The following METTL15 variants were observed in gnomAD, a reference collection of about 807,000 sequenced individuals.
The protein encoded by METTL15 is methyltransferase 15, mitochondrial 12S rRNA N4-cytidine.
Under a neutral mutation model 38.3 loss-of-function variants are expected in METTL15, and 34 were observed. The observed-to-expected ratio is 0.89, with a 90% CI of 0.68 to 1.18. The LOEUF is 1.18. METTL15 is among the 50% of genes most tolerant of loss of function. The pLI is 0.00. For missense variants in METTL15, 438 were observed against 498.4 expected (o/e 0.88, Z 1.15); for synonymous variants, 162 against 170.9 (o/e 0.95, Z 0.41).
At chr11:28,329,070 T>C (rs1402356717) in intron 6 of METTL15, among the ~76,000 whole-genome samples, 1 of 152,166 alleles carries the variant, frequency 6.6e-6, no homozygotes, top group African/African-American at 2.4e-5. Flanking sequence ...TTATGTTTTG[T>C]TCTGAGAGTT....
intron 6 of METTL15, among the ~76,000 whole-genome samples, chr11:28,442,365 A>G (rs1224197310): frequency 6.6e-6 from 1 of 151,972 alleles, no homozygotes; most frequent in African/African-American, 2.4e-5. Context: ...AAATTGAATT[A>G]TTTCTGAGGC....
intron 6 of METTL15, among the ~76,000 whole-genome samples, chr11:28,467,750 A>G (rs1413468131): frequency 6.6e-6 from 1 of 152,216 alleles, no homozygotes; most frequent in East Asian, 1.9e-4. Flanking sequence ...ATGGAGAGTG[A>G]TGAGGAAGAA....
chr11:28,311,889 C>G (rs141118662), intron 6 of METTL15, among the ~76,000 whole-genome samples: 4 of 152,180 alleles, frequency 2.6e-5, no homozygotes, highest in East Asian at 1.9e-4. Flanking sequence ...ACTTCCTATA[C>G]CAGTAGCAGC....
intron 6 of METTL15, among the ~76,000 whole-genome samples, chr11:28,455,274 C>T (rs11030343): frequency 0.018 from 2,486 of 140,682 alleles, 48 homozygotes; most frequent in African/African-American, 0.051. Flanking sequence ...TTATTTTAGC[C>T]CATGGTATCA....
intron 6 of METTL15, among the ~76,000 whole-genome samples, chr11:28,459,981 G>A (rs918961816): frequency 6.6e-6 from 1 of 151,936 alleles, no homozygotes; most frequent in African/African-American, 2.4e-5. Context: ...GTACTGTGAG[G>A]CCCATTTATT....
intron 6 of METTL15, among the ~76,000 whole-genome samples, chr11:28,307,523 C>G (rs1857124209): frequency 6.6e-6 from 1 of 151,952 alleles, no homozygotes; most frequent in Non-Finnish European, 1.5e-5. Context: ...ATTAGGTAGA[C>G]TCAGACCTAC....
rs550461732 is a variant in METTL15 at position 28,188,733 on chromosome 11, G to A, written c.271-22329G>A. 1.4e-4 allele frequency among the ~76,000 whole-genome samples: 21 copies of A among 151,238 alleles called. No individual in the cohort carries two copies. The East Asian group carries it at 2.5e-3, about 18-fold the overall frequency. Reference sequence around the variant, plus strand: ...TTAGCTAAACCATACCTTTTGGAACGTCTTTGGTAGCATAGTTTTTATTAT... The same window carrying A: ...TTAGCTAAACCATACCTTTTGGAACATCTTTGGTAGCATAGTTTTTATTAT... On this transcript the variant is annotated intron_variant, in intron 3 of 6. Transcript: ENST00000407364.
intron 4 of METTL15, among the ~76,000 whole-genome samples, chr11:28,256,029 C>T (rs1854958817): frequency 6.6e-6 from 1 of 152,134 alleles, no homozygotes. Flanking sequence ...TTGAATCATT[C>T]CTAAATCCCA....
At chr11:28,532,434 A>G in the METTL15 span, among the ~76,000 whole-genome samples, 1 of 152,048 alleles carries the variant, frequency 6.6e-6, no homozygotes, top group Admixed American at 6.6e-5. Context: ...TGTGGGTATA[A>G]ATATGTTTAA....
chr11:28,149,497 G>T (rs1005735051), intron 3 of METTL15, among the ~76,000 whole-genome samples: 2 of 151,746 alleles, frequency 1.3e-5, no homozygotes, highest in African/African-American at 2.4e-5. Context: ...AAGAGACCTG[G>T]GTTCTTATCC....
intron 6 of METTL15, among the ~76,000 whole-genome samples, chr11:28,465,628 G>A (rs1316597755): frequency 6.6e-6 from 1 of 152,172 alleles, no homozygotes; most frequent in Non-Finnish European, 1.5e-5. Flanking sequence ...CAGAAACCTA[G>A]CAAGCAGGTG....
chr11:28,374,273 G>A (rs1850280640), intron 5 of METTL15, among the ~76,000 whole-genome samples: 1 of 152,058 alleles, frequency 6.6e-6, no homozygotes. Context: ...CCATTTTCAG[G>A]ATACTGATTC....
intron 5 of METTL15, chr11:28,398,866 C>T (rs1850601546): frequency 6.6e-6 from 1 of 151,962 alleles, no homozygotes; most frequent in South Asian, 2.1e-4. Context: ...TGAAAATGGA[C>T]ATACTGCCCA....
At chr11:28,212,114 A>G (rs2133842355) in intron 4 of METTL15, among the ~76,000 whole-genome samples, 1 of 152,174 alleles carries the variant, frequency 6.6e-6, no homozygotes, top group Non-Finnish European at 1.5e-5. Context: ...AGGAAGTGTA[A>G]TTCGTCATCT....
downstream of METTL15, among the ~76,000 whole-genome samples, chr11:28,527,270 T>C (rs1288855526): frequency 6.6e-6 from 1 of 152,242 alleles, no homozygotes; most frequent in East Asian, 1.9e-4. Flanking sequence ...ACTCATAGTT[T>C]TTCTTATAAG....
At chr11:28,486,545 T>TCAATGAGACTG (rs1851441061) in intron 6 of METTL15, among the ~76,000 whole-genome samples, 1 of 152,176 alleles carries the variant, frequency 6.6e-6, no homozygotes, top group East Asian at 1.9e-4. Context: ...TGTTTCTGTT[T>TCAATGAGACTG]AGCCTGATGC....
intron 3 of METTL15, among the ~76,000 whole-genome samples, chr11:28,339,563 A>G (rs1197079610): frequency 6.6e-6 from 1 of 151,880 alleles, no homozygotes; most frequent in South Asian, 2.1e-4. Flanking sequence ...AAAAGACATA[A>G]AAGTTAAAAT....
At chr11:28,470,988 ACTT>A (rs1554929359) in intron 6 of METTL15, among the ~76,000 whole-genome samples, 2 of 152,032 alleles carry the variant, frequency 1.3e-5, no homozygotes, top group Non-Finnish European at 1.5e-5. Context: ...AACAACAACA[ACTT>A]CTTCTTACCT....
At chr11:28,152,240 T>G (rs1287504807) in intron 3 of METTL15, among the ~76,000 whole-genome samples, 1 of 151,676 alleles carries the variant, frequency 6.6e-6, no homozygotes, top group African/African-American at 2.4e-5. Context: ...ATGTGTGCTT[T>G]TTTTTTTTTA....
Sources: allele counts gnomAD v4.1 joint callset (sites outside exome capture counted in the v4.1 genomes callset), GRCh38; gene constraint gnomAD v4.1.1; transcripts MANE v1.5; gene names NCBI Gene and HGNC (gene_info 2026-07-23, HGNC 2026-07-21).